Variants in CEMIP observed in about 807,000 individuals in gnomAD.
The protein encoded by CEMIP is cell migration-inducing and hyaluronan-binding protein.
CEMIP carries 105 observed loss-of-function variants against 156.9 expected under a neutral mutation model. The observed-to-expected ratio is 0.67, with a 90% CI of 0.57 to 0.79. The LOEUF is 0.79. Ranked by LOEUF, CEMIP falls within the 30% of genes least tolerant of loss-of-function variation. CEMIP has a pLI of 0.00. For synonymous variants in CEMIP, 676 were observed against 668.4 expected (o/e 1.01, Z -0.17); for missense variants, 1,457 against 1,769.4 (o/e 0.82, Z 3.17).
chr15:80,889,144 G>A (rs1596161494), intron 9 of CEMIP, among the ~76,000 whole-genome samples: 2 of 152,248 alleles, frequency 1.3e-5, no homozygotes, highest in East Asian at 1.9e-4. Flanking sequence ...TGCAGGGATT[G>A]CAGAAAGCAG....
rs770502339 is a variant in CEMIP at position 80,906,686 on chromosome 15, G to C, written c.1435G>C (p.Gly479Arg). The change falls in exon 13 of 30, where the codon GGG (glycine) becomes CGG (arginine). Residue 479 changes from glycine to arginine, a missense_variant. By Grantham distance (125) the Gly-to-Arg change is moderately radical (BLOSUM62 -2). This residue lies in a region of CEMIP where 280 missense variants were observed against 300.3 expected (regional missense o/e 0.93). Transcript: ENST00000394685. The surrounding 1 kb of genome is among the most constrained non-coding windows in gnomAD (Gnocchi z 4.3). ...AGGGAAACCAATGTACCTGCACATC[G>C]GGGAGGAGATAGACGGCGTGGACAT... Reference protein sequence around the residue: ...VAGKPMYLHIGEEIDGVDMRA... With the variant: ...VAGKPMYLHIREEIDGVDMRA... 1.2e-6 allele frequency: 2 copies of C among 1,613,884 alleles called. No individual in the cohort carries two copies. The highest frequency in any genetic ancestry group is 8.5e-7 in the Non-Finnish European group (1 of 1,179,910).
At chr15:80,941,800 G>A in intron 25 of CEMIP, 49 bp from the exon 26 acceptor site, 1 of 1,523,780 alleles carries the variant, frequency 6.6e-7, no homozygotes, top group Non-Finnish European at 9.0e-7. Context: ...AGGAGAAGAG[G>A]GAGGTTTGAG....
At chr15:80,939,909 T>C (rs972325710) in intron 25 of CEMIP, among the ~76,000 whole-genome samples, 2 of 152,076 alleles carry the variant, frequency 1.3e-5, no homozygotes, top group African/African-American at 4.8e-5. Flanking sequence ...TAATTAGGGG[T>C]AAAATTAAAA....
intron 7 of CEMIP, among the ~76,000 whole-genome samples, chr15:80,887,279 AG>A (rs1476034137): frequency 6.6e-6 from 1 of 152,096 alleles, no homozygotes; most frequent in East Asian, 1.9e-4. Flanking sequence ...GCTCAACTCT[AG>A]GGGAGCTGAG....
chr15:80,949,302 AG>A lies in CEMIP; in HGVS notation c.*381del, dbSNP rs1407662073. 1 of 357,510 alleles carries A rather than the reference AG, an allele frequency of 2.8e-6. No homozygotes were observed. The highest frequency in any genetic ancestry group is 5.5e-6 in the Non-Finnish European group (1 of 183,298). The allele number at this position is 357,510 out of a possible 1,614,324, so 22.1% of individuals were successfully genotyped here. A position where few individuals can be genotyped will look rare whatever the true frequency, so the allele number is the denominator to read the frequency against. On this transcript the variant is annotated 3_prime_UTR_variant, in exon 30 of 30. Transcript: ENST00000394685. ...CTGACCCAGCTAGGAGGTAGTCTGG[AG>A]GGCTGGTCATTCACAGATCCCCATG...
intron 10 of CEMIP, among the ~76,000 whole-genome samples, chr15:80,891,860 C>T (rs1899042364): frequency 6.6e-6 from 1 of 152,214 alleles, no homozygotes; most frequent in African/African-American, 2.4e-5. Context: ...GTAGAATATG[C>T]TCCTGGATGT....
intron 1 of CEMIP, among the ~76,000 whole-genome samples, chr15:80,844,877 G>A (rs1018526252): frequency 6.6e-6 from 1 of 152,154 alleles, no homozygotes; most frequent in Non-Finnish European, 1.5e-5. Flanking sequence ...CCAGCCCCAG[G>A]GTGCCCATGG....
At chr15:80,864,292 CAG>C (rs1898063355) in intron 1 of CEMIP, among the ~76,000 whole-genome samples, 1 of 152,256 alleles carries the variant, frequency 6.6e-6, no homozygotes, top group Non-Finnish European at 1.5e-5. Context: ...TATTGCCTGA[CAG>C]GGGTGAGTTT....
intron 24 of CEMIP, 74 bp downstream of exon 24, chr15:80,936,959 C>A: frequency 1.4e-6 from 2 of 1,426,814 alleles, no homozygotes; most frequent in Non-Finnish European, 9.8e-7. Flanking sequence ...CCTGGACTTG[C>A]GTCTAACGAA....
rs552401227 is a variant in CEMIP at position 80,849,082 on chromosome 15, C to T, written c.-175-24456C>T. Among the ~76,000 whole-genome samples the T allele has an allele frequency of 6.1e-4, 91 of 148,580 alleles. 2 individuals carry two copies. In the South Asian group the frequency reaches 0.019, roughly 31 times the overall value. On this transcript the variant is annotated intron_variant, in intron 1 of 29. Transcript: ENST00000394685. ...TCTTGGCTCACTGCAACCTCTGCTT[C>T]CCAGGTTAAAGTGATCCTCCCACCT... is the stretch of plus-strand genomic sequence containing the variant.
intron 14 of CEMIP, chr15:80,909,849 G>A (rs545859839): frequency 2.3e-5 from 8 of 348,744 alleles, no homozygotes; most frequent in East Asian, 2.2e-4. Context: ...GACCTTTCTC[G>A]AAGTGAACTA....
At chr15:80,870,225 C>T (rs1411368355) in intron 1 of CEMIP, among the ~76,000 whole-genome samples, 2 of 152,182 alleles carry the variant, frequency 1.3e-5, no homozygotes, top group Non-Finnish European at 2.9e-5. Context: ...GCAAGAATCA[C>T]CTCATGCAGG....
intron 12 of CEMIP, among the ~76,000 whole-genome samples, chr15:80,898,058 G>A (rs139357533): frequency 2.3e-3 from 356 of 152,288 alleles, no homozygotes; most frequent in African/African-American, 7.7e-3. Flanking sequence ...GCTCTGTGTG[G>A]GGCTATTTGC....
intron 20 of CEMIP, 24 bp downstream of exon 20, chr15:80,928,961 T>C (rs751195106): frequency 1.2e-6 from 2 of 1,614,150 alleles, no homozygotes; most frequent in Non-Finnish European, 1.7e-6. Context: ...TCATTGTACT[T>C]GGTCCTCTGT....
At chr15:80,829,265 C>T (rs1391984160) in intron 1 of CEMIP, among the ~76,000 whole-genome samples, 1 of 152,204 alleles carries the variant, frequency 6.6e-6, no homozygotes, top group African/African-American at 2.4e-5. Context: ...TGGGCCCTTC[C>T]CTCCCACTCC....
At chr15:80,916,755 A>G (rs1343422960) in intron 14 of CEMIP, among the ~76,000 whole-genome samples, 1 of 149,802 alleles carries the variant, frequency 6.7e-6, no homozygotes, top group African/African-American at 2.4e-5. Flanking sequence ...ACACTTAGGC[A>G]AGTCACACAC....
At chr15:80,874,014 G>T (rs1444225925) in intron 3 of CEMIP, 41 bp downstream of exon 3, 1 of 1,520,642 alleles carries the variant, frequency 6.6e-7, no homozygotes, top group South Asian at 1.2e-5. Flanking sequence ...TCTCAGCATG[G>T]AAGGCACGGC....
intron 1 of CEMIP, among the ~76,000 whole-genome samples, chr15:80,864,840 A>T (rs954123640): frequency 6.6e-6 from 1 of 152,156 alleles, no homozygotes; most frequent in Non-Finnish European, 1.5e-5. Flanking sequence ...CACCTGGAGG[A>T]TTTGTTACGA....
intron 6 of CEMIP, 117 bp downstream of exon 6, chr15:80,881,253 G>A: frequency 6.7e-6 from 6 of 894,246 alleles, no homozygotes; most frequent in Non-Finnish European, 9.4e-6. Flanking sequence ...TGAAACAGAT[G>A]GGAATCCCTG....
Sources: allele counts gnomAD v4.1 joint callset (sites outside exome capture counted in the v4.1 genomes callset), GRCh38; gene constraint gnomAD v4.1.1; regional missense constraint gnomAD v4.1.1; non-coding constraint Gnocchi (gnomAD v3.1); transcripts MANE v1.5; gene names NCBI Gene and HGNC (gene_info 2026-07-23, HGNC 2026-07-21).